MAPKAP1: variants seen among roughly 807,000 people sequenced by gnomAD.
MAPKAP1 encodes the protein target of rapamycin complex 2 subunit MAPKAP1.
In MAPKAP1, 20 loss-of-function variants were observed where a neutral mutation model predicts 65.7. The observed-to-expected ratio is 0.30, with a 90% CI of 0.21 to 0.44. The LOEUF (loss-of-function observed/expected upper bound fraction) is 0.44. MAPKAP1 is among the 20% of genes least tolerant of loss of function. MAPKAP1 has a pLI of 1.00. For missense variants in MAPKAP1, 423 were observed against 648.0 expected, an observed-to-expected ratio of 0.65 and a Z score of 3.77; for synonymous variants, 222 against 244.3, an observed-to-expected ratio of 0.91 and a Z score of 0.85.
At chr9:125,576,752 C>T (rs906007517) in intron 5 of MAPKAP1, among the ~76,000 whole-genome samples, 5 of 152,354 alleles carry the variant, frequency 3.3e-5, no homozygotes, top group South Asian at 2.1e-4. Flanking sequence ...AGCTCCTAAC[C>T]GCGAGTGATC....
chr9:125,595,514 T>C lies in MAPKAP1; in HGVS notation c.499-9787A>G. 1 of 1,113,242 alleles carries C rather than the reference T, an allele frequency of 9.0e-7. No individual in the cohort carries two copies. The highest frequency in any genetic ancestry group is 1.1e-6 in the Non-Finnish European group (1 of 906,672). 69.0% of individuals were successfully genotyped at this position (1,113,242 alleles called of 1,614,324 possible). A position where few individuals can be genotyped will look rare whatever the true frequency, so the allele number is the denominator to read the frequency against. On this transcript the variant is annotated intron_variant, in intron 4 of 11. Transcript: ENST00000265960. The surrounding 1 kb of genome is among the most constrained non-coding windows in gnomAD (Gnocchi z 4.0). Reference sequence around the variant, plus strand: ...ATTAATTTCAAAATCATATACCTGATAGTTTCCAAAGTAGGAGAAGCAATA... The same window carrying C: ...ATTAATTTCAAAATCATATACCTGACAGTTTCCAAAGTAGGAGAAGCAATA...
chr9:125,652,241 C>T (rs1250900289), intron 4 of MAPKAP1: 10 of 1,289,810 alleles, frequency 7.8e-6, no homozygotes, highest in East Asian at 4.8e-5. Flanking sequence ...AATTATCCGA[C>T]ATAGACTGGA....
At chr9:125,584,236 A>G (rs996626840) in intron 5 of MAPKAP1, among the ~76,000 whole-genome samples, 2 of 152,170 alleles carry the variant, frequency 1.3e-5, no homozygotes, top group Non-Finnish European at 2.9e-5. Flanking sequence ...ATCTTGGTGA[A>G]AGGCTTTCTC....
chr9:125,506,588 C>T (rs1829148922), intron 7 of MAPKAP1, among the ~76,000 whole-genome samples, 171 bp from the exon 8 acceptor site: 1 of 152,214 alleles, frequency 6.6e-6, no homozygotes, highest in African/African-American at 2.4e-5. Flanking sequence ...TTGCATAAGG[C>T]TTCACATTCT....
chr9:125,441,538 G>A (rs1026580147), intron 11 of MAPKAP1, among the ~76,000 whole-genome samples: 1 of 152,208 alleles, frequency 6.6e-6, no homozygotes, highest in East Asian at 1.9e-4. Context: ...CAAAAAGCTC[G>A]ATGGAGGCTT....
intron 4 of MAPKAP1, among the ~76,000 whole-genome samples, chr9:125,615,156 A>T (rs1832709615): frequency 6.6e-6 from 1 of 152,198 alleles, no homozygotes; most frequent in African/African-American, 2.4e-5. Context: ...AGTAGAATTT[A>T]AAAATATATT....
At chr9:125,658,302 AG>A (rs1272220415) in intron 3 of MAPKAP1, among the ~76,000 whole-genome samples, 3 of 152,246 alleles carry the variant, frequency 2.0e-5, no homozygotes, top group Non-Finnish European at 4.4e-5. Flanking sequence ...TTGATGCCAA[AG>A]ATGAAGAGGA....
At chr9:125,526,393 G>A (rs1829768667) in intron 7 of MAPKAP1, among the ~76,000 whole-genome samples, 2 of 152,194 alleles carry the variant, frequency 1.3e-5, no homozygotes. Flanking sequence ...TTATATTTGA[G>A]ATATTAGTCA....
intron 4 of MAPKAP1, among the ~76,000 whole-genome samples, chr9:125,626,132 G>C (rs1833111950): frequency 6.6e-6 from 1 of 152,194 alleles, no homozygotes; most frequent in Admixed American, 6.5e-5. Flanking sequence ...AATTGTAAGG[G>C]AACTAGGTAA....
chr9:125,631,325 A>G (rs965036139), intron 4 of MAPKAP1, among the ~76,000 whole-genome samples: 1 of 152,230 alleles, frequency 6.6e-6, no homozygotes, highest in African/African-American at 2.4e-5. Context: ...TTATAGCAAC[A>G]TAAAATGAAT....
At chr9:125,559,222 G>A (rs1398407190) in intron 6 of MAPKAP1, 2 of 154,538 alleles carry the variant, frequency 1.3e-5, no homozygotes, top group Admixed American at 6.5e-5. Context: ...GCAACTGACA[G>A]GGAAGGTCAA....
intron 7 of MAPKAP1, 59 bp downstream of exon 7, chr9:125,543,000 T>G (rs776615852): frequency 9.0e-7 from 1 of 1,105,552 alleles, no homozygotes; most frequent in South Asian, 1.2e-5. Context: ...ACACCCCCTA[T>G]GCCCTTTTAA....
At chr9:125,706,898 G>C in intron 1 of MAPKAP1, 73 bp downstream of exon 1, 1 of 384,448 alleles carries the variant, frequency 2.6e-6, no homozygotes, top group Non-Finnish European at 4.6e-6. Flanking sequence ...CTGGAGGGGT[G>C]AGAGGGCCGC....
intron 1 of MAPKAP1, among the ~76,000 whole-genome samples, chr9:125,698,278 AAT>A (rs1448637048): frequency 7.5e-5 from 2 of 26,614 alleles, no homozygotes; most frequent in East Asian, 8.5e-4. Flanking sequence ...TATAATACAT[AAT>A]ATATATAAAT....
chr9:125,507,695 TTAAA>T (rs1829183323), intron 7 of MAPKAP1, among the ~76,000 whole-genome samples: 1 of 152,338 alleles, frequency 6.6e-6, no homozygotes, highest in Middle Eastern at 3.4e-3. Flanking sequence ...TTTACACTAC[TTAAA>T]TAAAGCTTTT....
At chr9:125,670,147 A>G (rs2131795621) in intron 2 of MAPKAP1, among the ~76,000 whole-genome samples, 1 of 152,330 alleles carries the variant, frequency 6.6e-6, no homozygotes, top group African/African-American at 2.4e-5. Flanking sequence ...AGATAGTATT[A>G]ACATGGAAGA....
At chr9:125,461,628 T>G (rs768991773) in intron 10 of MAPKAP1, among the ~76,000 whole-genome samples, 1 of 152,236 alleles carries the variant, frequency 6.6e-6, no homozygotes, top group Non-Finnish European at 1.5e-5. Context: ...CTGCTCCTGA[T>G]TGTGCTCCAG....
At chr9:125,488,256 A>C (rs1300309762) in intron 8 of MAPKAP1, among the ~76,000 whole-genome samples, 1 of 152,224 alleles carries the variant, frequency 6.6e-6, no homozygotes, top group African/African-American at 2.4e-5. Context: ...CTGAGGGAGT[A>C]CAGAAGGAAT....
rs138413229 is a variant in MAPKAP1, at chr9:125,569,220, C to A, written c.672-9411G>T. 1.9e-3 allele frequency among the ~76,000 whole-genome samples: 287 copies of A among 152,236 alleles called. 1 individual carries two copies. The highest frequency in any genetic ancestry group is 6.2e-3 in the African/African-American group (259 of 41,526). The stretch of plus-strand genomic sequence containing the variant: ...ACCACGTTTAATGCCTTCCAGGGAA[C>A]AGGAATTTTAGGGTTCATGTCATAG... On this transcript the variant is annotated intron_variant, in intron 5 of 11. Transcript: ENST00000265960.
Sources: gnomAD v4.1 joint callset for allele counts (sites outside exome capture counted in the v4.1 genomes callset) on GRCh38, gnomAD v4.1.1 for gene constraint, Gnocchi (gnomAD v3.1) non-coding constraint, MANE v1.5 for transcripts, NCBI Gene and HGNC (gene_info 2026-07-23, HGNC 2026-07-21) for gene names.